The following BABAM2 variants were observed in gnomAD, a reference collection of about 807,000 sequenced individuals.
BABAM2 encodes the protein BRISC and BRCA1-A complex member 2.
A neutral mutation model predicts 54.7 loss-of-function variants in BABAM2; 31 were observed. The ratio of observed to expected loss-of-function variants is 0.57; its 90% CI spans 0.43 to 0.77. The LOEUF (loss-of-function observed/expected upper bound fraction) is 0.77, where lower values mean the gene tolerates loss of function less well. Ranked by LOEUF, BABAM2 falls within the 30% of genes least tolerant of loss-of-function variation. The pLI is 0.00. For missense variants in BABAM2, 364 were observed against 455.8 expected, an observed-to-expected ratio of 0.80 and a Z score of 1.83; for synonymous variants, 167 against 162.9, an observed-to-expected ratio of 1.03 and a Z score of -0.19.
At chr2:28,218,739 C>G (rs149048796) in intron 7 of BABAM2, among the ~76,000 whole-genome samples, 1 of 152,174 alleles carries the variant, frequency 6.6e-6, no homozygotes, top group Non-Finnish European at 1.5e-5. Flanking sequence ...ATGTCTTCCT[C>G]AGACTTTCAC....
chr2:27,952,033 T>C (rs550851503), intron 3 of BABAM2, among the ~76,000 whole-genome samples: 6 of 152,318 alleles, frequency 3.9e-5, no homozygotes, highest in African/African-American at 1.4e-4. Flanking sequence ...TGTTCTGTCA[T>C]TTTTTGCTTC....
At chr2:28,258,846 G>A (rs1292704997) in intron 10 of BABAM2, among the ~76,000 whole-genome samples, 1 of 151,530 alleles carries the variant, frequency 6.6e-6, no homozygotes. Context: ...GTGCGATCTC[G>A]GCTCACTGCA....
intron 2 of BABAM2, among the ~76,000 whole-genome samples, chr2:27,903,782 A>T (rs1358766902): frequency 6.6e-6 from 1 of 152,144 alleles, no homozygotes; most frequent in Non-Finnish European, 1.5e-5. Context: ...AACTAGCACA[A>T]ATTTCTTTTT....
At chr2:28,138,270 G>A (rs188288819) in intron 7 of BABAM2, among the ~76,000 whole-genome samples, 51 of 152,222 alleles carry the variant, frequency 3.4e-4, no homozygotes, top group African/African-American at 1.1e-3. Context: ...GAGAAAGTCC[G>A]GTGAATCTCA....
At chr2:28,293,240 C>G (rs1303866504) in intron 10 of BABAM2, among the ~76,000 whole-genome samples, 1 of 152,084 alleles carries the variant, frequency 6.6e-6, no homozygotes, top group African/African-American at 2.4e-5. Context: ...GAATCACATG[C>G]ATGGTATGGC....
At chr2:28,199,980 T>G (rs1054243383) in intron 7 of BABAM2, among the ~76,000 whole-genome samples, 2 of 152,220 alleles carry the variant, frequency 1.3e-5, no homozygotes, top group Non-Finnish European at 2.9e-5. Flanking sequence ...TTAATGAAAG[T>G]GAACTGCTAA....
At chr2:27,987,056 T>G (rs904759447) in intron 3 of BABAM2, among the ~76,000 whole-genome samples, 3 of 152,206 alleles carry the variant, frequency 2.0e-5, no homozygotes, top group African/African-American at 7.2e-5. Context: ...CATTATCACA[T>G]GTTGAGAACT....
At chr2:28,016,092 T>A in intron 4 of BABAM2, 1 of 858,704 alleles carries the variant, frequency 1.2e-6, no homozygotes, top group South Asian at 1.4e-5. Flanking sequence ...TCTTTTTCTT[T>A]CTCAGTTTTC....
chr2:28,241,287 C>A, intron 8 of BABAM2, 36 bp from the exon 9 acceptor site: 1 of 1,583,864 alleles, frequency 6.3e-7, no homozygotes. Context: ...TTAAAAGATT[C>A]CCACTCTACT....
intron 11 of BABAM2, among the ~76,000 whole-genome samples, chr2:28,313,004 T>C (rs1689210171): frequency 6.6e-6 from 1 of 152,164 alleles, no homozygotes; most frequent in Non-Finnish European, 1.5e-5. Flanking sequence ...TTTCCCCTCT[T>C]TCCTGCTCCC....
chr2:28,127,211 A>G (rs1186720576), intron 6 of BABAM2, among the ~76,000 whole-genome samples: 1 of 152,102 alleles, frequency 6.6e-6, no homozygotes, highest in Non-Finnish European at 1.5e-5. Flanking sequence ...TGAAGTCCTT[A>G]ATTTTTTAAA....
At chr2:28,299,334 G>A (rs1184806474) in intron 11 of BABAM2, among the ~76,000 whole-genome samples, 1 of 152,182 alleles carries the variant, frequency 6.6e-6, no homozygotes, top group East Asian at 1.9e-4. Context: ...TATGCTGAGT[G>A]TTTTTTATAT....
At chr2:27,991,569 C>T (rs1038063760) in intron 4 of BABAM2, among the ~76,000 whole-genome samples, 10 of 152,148 alleles carry the variant, frequency 6.6e-5, no homozygotes, top group Non-Finnish European at 1.5e-4. Flanking sequence ...CCTGATCCAC[C>T]ACCACCCAAA....
intron 10 of BABAM2, among the ~76,000 whole-genome samples, chr2:28,271,838 A>C (rs1685451825): frequency 1.3e-5 from 2 of 152,222 alleles, no homozygotes; most frequent in Admixed American, 6.5e-5. Flanking sequence ...CAAGCTTGGT[A>C]ATTACCCTCA....
chr2:27,951,615 A>G (rs963464836), intron 3 of BABAM2, among the ~76,000 whole-genome samples: 1 of 152,222 alleles, frequency 6.6e-6, no homozygotes, highest in African/African-American at 2.4e-5. Context: ...GTTCCATAAT[A>G]GCAATTAGGT....
intron 7 of BABAM2, among the ~76,000 whole-genome samples, chr2:28,157,684 T>C (rs1672681388): frequency 6.6e-6 from 1 of 152,226 alleles, no homozygotes; most frequent in South Asian, 2.1e-4. Flanking sequence ...CGATCTCGGC[T>C]CACTGCAACC....
At chr2:28,043,285 C>T (rs1677278384) in intron 5 of BABAM2, among the ~76,000 whole-genome samples, 1 of 151,966 alleles carries the variant, frequency 6.6e-6, no homozygotes, top group African/African-American at 2.4e-5. Context: ...CACATGCCAC[C>T]ATGCCTGGCT....
chr2:27,950,277 A>C (rs1249163539), intron 3 of BABAM2, among the ~76,000 whole-genome samples: 1 of 152,236 alleles, frequency 6.6e-6, no homozygotes, highest in Non-Finnish European at 1.5e-5. Context: ...ATATCTTGTC[A>C]GAAGAACCCA....
intron 10 of BABAM2, among the ~76,000 whole-genome samples, chr2:28,255,714 G>A (rs1683913258): frequency 6.6e-6 from 1 of 152,124 alleles, no homozygotes; most frequent in African/African-American, 2.4e-5. Context: ...CACCCAGGCT[G>A]GAGTGTAGTG....
Sources: allele counts gnomAD v4.1 joint callset (sites outside exome capture counted in the v4.1 genomes callset), GRCh38; gene constraint gnomAD v4.1.1; transcripts MANE v1.5; gene names NCBI Gene and HGNC (gene_info 2026-07-23, HGNC 2026-07-21).